Variants in SLF2 observed in about 807,000 individuals in gnomAD.
The protein encoded by SLF2 is SMC5-SMC6 complex localization factor protein 2.
SLF2 carries 68 observed loss-of-function variants against 124.3 expected under a neutral mutation model. That is an observed-to-expected ratio of 0.55 (90% confidence interval 0.45 to 0.67). SLF2 has a LOEUF of 0.67. Among genes scored for constraint, SLF2 ranks in the 30% least tolerant of loss-of-function variants. The probability of loss-of-function intolerance (pLI) is 0.00; values close to 1 mark genes in which losing one functional copy is unlikely to be tolerated. For synonymous variants in SLF2, 480 were observed against 478.8 expected (o/e 1.00, Z -0.03); for missense variants, 1,246 against 1,373.7 (o/e 0.91, Z 1.47).
At position 100,947,073 on chromosome 10, in the gene SLF2, C is replaced by T; in HGVS notation, c.2969C>T (p.Ser990Phe). 4 of 1,612,682 alleles carry T rather than the reference C, an allele frequency of 2.5e-6. No individual in the cohort carries two copies. The highest frequency in any genetic ancestry group is 2.5e-6 in the Non-Finnish European group (3 of 1,179,440). Residue 990 changes from serine to phenylalanine, a missense_variant, in exon 14 of 20, where the codon TCC (serine) becomes TTC (phenylalanine). Ser to Phe is a radical substitution (Grantham distance 155, BLOSUM62 -2). This residue lies in a region of SLF2 where 535 missense variants were observed against 632.8 expected (regional missense o/e 0.85). Transcript: ENST00000238961. ...PELCLGINEL[S>F]SHPHNLLWLV... ...CTCTGTCTGGGCATAAATGAACTCT[C>T]CAGTCATCCCCACAACCTCCTGTGG...
At chr10:100,923,514 AT>A (rs1030153762) in intron 4 of SLF2, among the ~76,000 whole-genome samples, 315 of 142,654 alleles carry the variant, frequency 2.2e-3, no homozygotes, top group East Asian at 4.9e-3. Flanking sequence ...ACACAGCGTG[AT>A]TTTTTTTTTT....
At chr10:100,947,653 T>C in intron 14 of SLF2, 107 bp from the exon 15 acceptor site, 1 of 689,538 alleles carries the variant, frequency 1.5e-6, no homozygotes, top group East Asian at 2.5e-5. Context: ...TCTTGAAACA[T>C]TGCCTATATT....
At chr10:100,941,099 C>T (rs1849967014) in intron 11 of SLF2, among the ~76,000 whole-genome samples, 1 of 151,950 alleles carries the variant, frequency 6.6e-6, no homozygotes, top group Non-Finnish European at 1.5e-5. Flanking sequence ...CTTGGCCTCC[C>T]AAAGTGCTGG....
At chr10:100,921,805 C>T (rs1849527984) in intron 4 of SLF2, among the ~76,000 whole-genome samples, 3 of 152,174 alleles carry the variant, frequency 2.0e-5, no homozygotes, top group African/African-American at 4.8e-5. Context: ...TAATCCCATA[C>T]TTAAAAGTAA....
chr10:100,917,223 G>A lies in SLF2; in HGVS notation c.838G>A (p.Glu280Lys), dbSNP rs757207888. Residue 280 changes from glutamate to lysine, a missense_variant, in exon 3 of 20, where the codon GAA (glutamate) becomes AAA (lysine). This residue lies in a region of SLF2 where 698 missense variants were observed against 708.9 expected (regional missense o/e 0.98). Transcript: ENST00000238961. ...ASSLSLKSSIERKYKPRQEQR... is the reference protein window; with the variant it reads ...ASSLSLKSSIKRKYKPRQEQR... ...CAGTCTTTCCTTAAAATCTAGTATA[G>A]AAAGAAAATATAAACCAAGGCAGGA... 1.9e-6 allele frequency: 3 copies of A among 1,613,866 alleles called. No homozygotes were observed. The highest frequency in any genetic ancestry group is 2.5e-6 in the Non-Finnish European group (3 of 1,179,990).
Position 100,963,438 on chromosome 10 carries a change from G to A in SLF2, c.*1526G>A, listed in dbSNP as rs1228991493. The stretch of plus-strand genomic sequence containing the variant: ...CAGACCAACAAAAGTTTTATTCTGT[G>A]TTGTTTACTGGTAAGAATATTATTA... On this transcript the variant is annotated 3_prime_UTR_variant, in exon 20 of 20. Transcript: ENST00000238961. 2 of 152,538 alleles carry A rather than the reference G, an allele frequency of 1.3e-5. No individual in the cohort carries two copies. The highest frequency in any genetic ancestry group is 4.8e-5 in the African/African-American group (2 of 41,418). 9.4% of individuals were successfully genotyped at this position (152,538 alleles called of 1,614,324 possible). A position where few individuals can be genotyped will look rare whatever the true frequency, so the allele number is the denominator to read the frequency against.
rs1469492848 is a variant in SLF2 at position 100,931,018 on chromosome 10, C to T, written c.2376C>T (p.Phe792=). The change falls in exon 9 of 20, where the codon TTC becomes TTT. Residue 792 remains phenylalanine, a synonymous_variant. Coordinates refer to ENST00000238961, the MANE Select transcript of SLF2 (RefSeq NM_018121.4). The part of the protein sequence containing the change: ...TDQIFLTTQG[F]LTSAYHYVQC... The stretch of plus-strand genomic sequence containing the variant: ...AGATTTTTTTGACAACACAAGGTTT[C>T]CTTACGTCTGCTTATCACTATGTCC... 6.2e-7 allele frequency: 1 copy of T among 1,614,040 alleles called. No individual in the cohort carries two copies. Among genetic ancestry groups the T allele is most frequent in the East Asian group, 2.2e-5 (1 of 44,864 alleles).
intron 2 of SLF2, among the ~76,000 whole-genome samples, 172 bp downstream of exon 2, chr10:100,916,214 GAA>G (rs1849410590): frequency 6.6e-6 from 1 of 152,126 alleles, no homozygotes; most frequent in Non-Finnish European, 1.5e-5. Flanking sequence ...TTCTAAATAT[GAA>G]AGTCTTTTTG....
intron 6 of SLF2, chr10:100,926,273 C>G: frequency 6.7e-7 from 1 of 1,492,234 alleles, no homozygotes; most frequent in Non-Finnish European, 8.9e-7. Flanking sequence ...GGCGCCACTT[C>G]ACTGCAGCCT....
Position 100,919,482 on chromosome 10 carries a change from A to G in SLF2, c.973+1041A>G, listed in dbSNP as rs558302383. Among the ~76,000 whole-genome samples, 19 of 151,520 alleles carry G rather than the reference A, an allele frequency of 1.3e-4. No homozygotes were observed. In the South Asian group the frequency reaches 3.8e-3, roughly 30 times the overall value. On this transcript the variant is annotated intron_variant, in intron 4 of 19. Coordinates refer to ENST00000238961, the MANE Select transcript of SLF2 (RefSeq NM_018121.4). ...TAAATTTCAAGGATATCTACATGAC[A>G]TTAGTTTGTACTTTTAGCATTTATT...
At chr10:100,946,486 C>G (rs1252825648) in intron 13 of SLF2, among the ~76,000 whole-genome samples, 1 of 152,012 alleles carries the variant, frequency 6.6e-6, no homozygotes, top group Non-Finnish European at 1.5e-5. Flanking sequence ...GCCACTCCGC[C>G]CAGCTAATTT....
chr10:100,929,731 C>T (rs1849690582), intron 7 of SLF2, 99 bp from the exon 8 acceptor site: 1 of 927,946 alleles, frequency 1.1e-6, no homozygotes, highest in Admixed American at 3.1e-5. Flanking sequence ...TTGGGATTAA[C>T]ATTGGCTTAA....
In SLF2 at chr10:100,936,049, C is replaced by T. The variant is rs998157202; in HGVS notation, c.2437-1353C>T. 4.6e-5 allele frequency among the ~76,000 whole-genome samples: 7 copies of T among 150,988 alleles called. No individual in the cohort carries two copies. In the East Asian group the frequency reaches 9.9e-4, roughly 21 times the overall value. ...AATTTTTAAAAATTTTTTGTAGAGGCGGGATCTTGCCATGTTGCTCAGGCC... is the reference window on the plus strand; with the variant it reads ...AATTTTTAAAAATTTTTTGTAGAGGTGGGATCTTGCCATGTTGCTCAGGCC... On this transcript the variant is annotated intron_variant, in intron 9 of 19. Transcript: ENST00000238961.
At chr10:100,946,891 C>A in intron 13 of SLF2, 148 bp from the exon 14 acceptor site, 1 of 613,572 alleles carries the variant, frequency 1.6e-6, no homozygotes, top group Admixed American at 2.8e-5. Context: ...TACATTTTAG[C>A]AGATTCTAGA....
chr10:100,951,811 G>C (rs1850218798), intron 17 of SLF2, among the ~76,000 whole-genome samples: 1 of 152,078 alleles, frequency 6.6e-6, no homozygotes, highest in African/African-American at 2.4e-5. Flanking sequence ...TTAAACTGAT[G>C]GTAAGGCAGG....
intron 19 of SLF2, 60 bp downstream of exon 19, chr10:100,959,556 A>G (rs759783555): frequency 1.9e-6 from 3 of 1,595,022 alleles, no homozygotes; most frequent in Non-Finnish European, 2.6e-6. Flanking sequence ...GGCACTCTTC[A>G]TACTGTTTGA....
chr10:100,946,882 A>G (rs983147383), intron 13 of SLF2, among the ~76,000 whole-genome samples, 157 bp from the exon 14 acceptor site: 4 of 152,270 alleles, frequency 2.6e-5, no homozygotes, highest in African/African-American at 4.8e-5. Flanking sequence ...TGTATTGTGT[A>G]CATTTTAGCA....
chr10:100,932,736 C>CGT (rs1849768926), intron 9 of SLF2, among the ~76,000 whole-genome samples: 1 of 151,056 alleles, frequency 6.6e-6, no homozygotes, highest in South Asian at 2.1e-4. Context: ...CGCGCGCGCG[C>CGT]GCACATTTGT....
In SLF2 at chr10:100,964,048, C is replaced by T. The variant is rs1003362029; in HGVS notation, c.*2136C>T. ...TCCAGTCAGTATTTGCATTTGGGTT[C>T]TCATGAAAACTTTGTGACTCTCTTT... On this transcript the variant is annotated 3_prime_UTR_variant, in exon 20 of 20. Transcript: ENST00000238961. 1 of 152,576 alleles carries T rather than the reference C, an allele frequency of 6.6e-6. No individual in the cohort carries two copies. Among genetic ancestry groups the T allele is most frequent in the Non-Finnish European group, 1.5e-5 (1 of 68,026 alleles). The allele number at this position is 152,576 out of a possible 1,614,324, so 9.5% of individuals were successfully genotyped here.
Sources: allele counts gnomAD v4.1 joint callset (sites outside exome capture counted in the v4.1 genomes callset), GRCh38; gene constraint gnomAD v4.1.1; regional missense constraint gnomAD v4.1.1; transcripts MANE v1.5; gene names NCBI Gene and HGNC (gene_info 2026-07-23, HGNC 2026-07-21).